Variants in ERC2 observed in about 807,000 individuals in gnomAD.
The protein encoded by ERC2 is ELKS/RAB6-interacting/CAST family member 2.
In ERC2, 42 loss-of-function variants were observed where a neutral mutation model predicts 114.8. The observed-to-expected ratio is 0.37, with a 90% CI of 0.29 to 0.47. The LOEUF (loss-of-function observed/expected upper bound fraction) is 0.47. ERC2 is among the 20% of genes least tolerant of loss of function. The pLI is 0.99. For missense variants in ERC2, 939 were observed against 1,150.7 expected (o/e 0.82, Z 2.66); for synonymous variants, 454 against 425.5 (o/e 1.07, Z -0.82).
At chr3:56,315,246 G>A (rs1023239841) in intron 2 of ERC2, among the ~76,000 whole-genome samples, 2 of 152,106 alleles carry the variant, frequency 1.3e-5, no homozygotes. Flanking sequence ...TTTAAAAAGG[G>A]TTTAGAGAAA....
At chr3:55,926,423 A>AAAAC (rs1553737465) in intron 13 of ERC2, among the ~76,000 whole-genome samples, 2 of 151,474 alleles carry the variant, frequency 1.3e-5, no homozygotes, top group African/African-American at 4.9e-5. Context: ...TTTAAAAAAA[A>AAAAC]AAAAACTAAA....
At chr3:55,881,656 G>A (rs953508799) in intron 14 of ERC2, among the ~76,000 whole-genome samples, 1 of 151,998 alleles carries the variant, frequency 6.6e-6, no homozygotes, top group Non-Finnish European at 1.5e-5. Context: ...ATTTCTTTTA[G>A]CCACAGATTT....
At chr3:55,725,900 T>C (rs755457861) in intron 15 of ERC2, among the ~76,000 whole-genome samples, 1 of 152,218 alleles carries the variant, frequency 6.6e-6, no homozygotes, top group Non-Finnish European at 1.5e-5. Context: ...AGGCACCAGC[T>C]GCCTAGGATA....
At chr3:55,668,839 A>C (rs2061452099) in intron 17 of ERC2, among the ~76,000 whole-genome samples, 1 of 152,202 alleles carries the variant, frequency 6.6e-6, no homozygotes, top group African/African-American at 2.4e-5. Flanking sequence ...AATATACTTA[A>C]CTTGAGTAAA....
At chr3:56,423,621 A>T (rs574998275) in intron 2 of ERC2, among the ~76,000 whole-genome samples, 1 of 152,374 alleles carries the variant, frequency 6.6e-6, no homozygotes, top group East Asian at 1.9e-4. Flanking sequence ...TTCTCACCAG[A>T]TCTTTCCTAC....
Position 55,509,230 on chromosome 3 carries a change from T to C in ERC2, c.*2086A>G, listed in dbSNP as rs1320159590. 1 of 151,468 alleles carries C rather than the reference T, an allele frequency of 6.6e-6. No homozygotes were observed. Among genetic ancestry groups the C allele is most frequent in the Admixed American group, 6.6e-5 (1 of 15,244 alleles). 9.4% of individuals were successfully genotyped at this position (151,468 alleles called of 1,614,324 possible). Reference sequence around the variant, plus strand: ...ATAGAAATAGCTAGCTATACATGGGTTGGTTTTTTTTTTCTGTTTCAAGGA... The same window carrying C: ...ATAGAAATAGCTAGCTATACATGGGCTGGTTTTTTTTTTCTGTTTCAAGGA... On this transcript the variant is annotated 3_prime_UTR_variant, in exon 18 of 18. Transcript: ENST00000288221.
intron 17 of ERC2, among the ~76,000 whole-genome samples, chr3:55,669,143 T>C (rs2061464389): frequency 6.6e-6 from 1 of 152,194 alleles, no homozygotes. Flanking sequence ...GGTATAATTA[T>C]ATTTTTCACC....
At chr3:55,684,981 G>T (rs1559497577) in intron 16 of ERC2, among the ~76,000 whole-genome samples, 1 of 152,052 alleles carries the variant, frequency 6.6e-6, no homozygotes, top group Non-Finnish European at 1.5e-5. Context: ...TACACTCTTA[G>T]GTTGAATCCT....
At chr3:56,033,017 AAGAAAAAAGAAAC>A (rs1395024410) in intron 7 of ERC2, among the ~76,000 whole-genome samples, 6 of 136,362 alleles carry the variant, frequency 4.4e-5, no homozygotes, top group East Asian at 4.9e-4. Flanking sequence ...GAAAGAAAGA[AAGAAAAAAGAAAC>A]AGAAAGAAAG....
intron 17 of ERC2, among the ~76,000 whole-genome samples, chr3:55,625,374 G>GAA (rs60450668): frequency 8.3e-6 from 1 of 119,878 alleles, no homozygotes; most frequent in Admixed American, 8.9e-5. Context: ...CTCAAAAAAA[G>GAA]AAAAAAAAAA....
At chr3:55,576,694 C>T (rs548301533) in intron 17 of ERC2, among the ~76,000 whole-genome samples, 60 of 152,374 alleles carry the variant, frequency 3.9e-4, no homozygotes, top group African/African-American at 1.3e-3. Context: ...GCATCCTGCC[C>T]GTTAGCTCAC....
Position 55,872,079 on chromosome 3 carries a change from G to A in ERC2, c.2564+16310C>T, listed in dbSNP as rs148305972. ...ACAGACTGGCAATGAGCTGATAATCGCTGAAATTGGATGGAGGTCATGTGG... is the reference window on the plus strand; with the variant it reads ...ACAGACTGGCAATGAGCTGATAATCACTGAAATTGGATGGAGGTCATGTGG... On this transcript the variant is annotated intron_variant, in intron 14 of 17. Transcript: ENST00000288221. Among the ~76,000 whole-genome samples, 34 of 152,260 alleles carry A rather than the reference G, an allele frequency of 2.2e-4. No homozygotes were observed. The East Asian group carries it at 6.4e-3, about 28-fold the overall frequency.
chr3:55,955,795 C>T (rs1008994504), intron 12 of ERC2, among the ~76,000 whole-genome samples: 1 of 152,166 alleles, frequency 6.6e-6, no homozygotes, highest in Non-Finnish European at 1.5e-5. Context: ...ATGGCACAAT[C>T]CCATGAAAGA....
chr3:56,217,753 A>G (rs2049590633), intron 3 of ERC2, among the ~76,000 whole-genome samples: 1 of 152,262 alleles, frequency 6.6e-6, no homozygotes, highest in African/African-American at 2.4e-5. Flanking sequence ...ACAAGGCTAC[A>G]GTAACCAAAA....
chr3:56,170,613 T>TTTTGAGGTAGTGTCTCACTA (rs2082606749), intron 4 of ERC2, among the ~76,000 whole-genome samples: 3 of 149,484 alleles, frequency 2.0e-5, no homozygotes, highest in Non-Finnish European at 3.0e-5. Context: ...TTTTTTTTTT[T>TTTTGAGGTAGTGTCTCACTA]TGAGGTAGTG....
chr3:55,684,157 A>G (rs2148779317), intron 16 of ERC2, among the ~76,000 whole-genome samples: 1 of 152,320 alleles, frequency 6.6e-6, no homozygotes, highest in East Asian at 1.9e-4. Flanking sequence ...ACATTAGCAG[A>G]TGATTATTTT....
At chr3:56,302,247 C>A (rs1332576581) in intron 2 of ERC2, among the ~76,000 whole-genome samples, 1 of 152,052 alleles carries the variant, frequency 6.6e-6, no homozygotes, top group African/African-American at 2.4e-5. Flanking sequence ...AAGAGTAGAC[C>A]AAAAGGGGGT....
At chr3:56,041,410 T>G (rs943278188) in intron 7 of ERC2, among the ~76,000 whole-genome samples, 2 of 152,110 alleles carry the variant, frequency 1.3e-5, no homozygotes, top group Non-Finnish European at 2.9e-5. Context: ...GAAGCTGCTG[T>G]AGGCATCCTG....
intron 17 of ERC2, among the ~76,000 whole-genome samples, chr3:55,522,549 T>C (rs2053032218): frequency 6.6e-6 from 1 of 151,926 alleles, no homozygotes; most frequent in Non-Finnish European, 1.5e-5. Context: ...CTCCAAAGAA[T>C]GAGGAGTTTG....
Sources: gnomAD v4.1 joint callset for allele counts (sites outside exome capture counted in the v4.1 genomes callset) on GRCh38, gnomAD v4.1.1 for gene constraint, MANE v1.5 for transcripts, NCBI Gene and HGNC (gene_info 2026-07-23, HGNC 2026-07-21) for gene names.